The following MAGI1 variants were observed in gnomAD, a reference collection of about 807,000 sequenced individuals.
MAGI1 encodes membrane-associated guanylate kinase, WW and PDZ domain-containing protein 1.
A neutral mutation model predicts 139.9 loss-of-function variants in MAGI1; 58 were observed. That is an observed-to-expected ratio of 0.41 (90% CI 0.34 to 0.52). The LOEUF (loss-of-function observed/expected upper bound fraction) is 0.52, where lower values mean the gene tolerates loss of function less well. Among genes scored for constraint, MAGI1 ranks in the 20% least tolerant of loss-of-function variants. The pLI is 0.12. For missense variants in MAGI1, 1,874 were observed against 1,901.6 expected (o/e 0.99, Z 0.27); for synonymous variants, 812 against 737.9 (o/e 1.10, Z -1.63).
At chr3:65,904,658 C>A (rs995222107) in intron 1 of MAGI1, among the ~76,000 whole-genome samples, 4 of 152,186 alleles carry the variant, frequency 2.6e-5, no homozygotes, top group Non-Finnish European at 4.4e-5. Context: ...TTCTCCAGGT[C>A]TTAGACCACC....
intron 1 of MAGI1, among the ~76,000 whole-genome samples, chr3:65,905,805 C>T (rs2061412546): frequency 6.6e-6 from 1 of 152,168 alleles, no homozygotes; most frequent in Admixed American, 6.5e-5. Flanking sequence ...TTGAGGACTG[C>T]ACTCTACTCA....
chr3:65,981,051 C>T (rs566445074), intron 1 of MAGI1, among the ~76,000 whole-genome samples: 2 of 150,406 alleles, frequency 1.3e-5, no homozygotes, highest in East Asian at 4.0e-4. Flanking sequence ...ATCCCAGGTA[C>T]TTGGGAGGCA....
intron 1 of MAGI1, among the ~76,000 whole-genome samples, chr3:65,623,976 C>T (rs2083825819): frequency 1.3e-5 from 2 of 152,244 alleles, no homozygotes; most frequent in African/African-American, 4.8e-5. Context: ...AAGGTTTGAA[C>T]AGACAGTTCA....
chr3:65,864,176 C>T (rs550027533), intron 1 of MAGI1, among the ~76,000 whole-genome samples: 1 of 152,060 alleles, frequency 6.6e-6, no homozygotes, highest in Non-Finnish European at 1.5e-5. Flanking sequence ...AGGTTATACC[C>T]ATCTGTCAAC....
chr3:65,380,588 T>C (rs543672647), intron 16 of MAGI1, among the ~76,000 whole-genome samples: 1 of 152,340 alleles, frequency 6.6e-6, no homozygotes, highest in African/African-American at 2.4e-5. Context: ...GTATCTCATA[T>C]AAAGGGAATC....
In MAGI1 at chr3:65,959,733, G is replaced by C. The variant is rs528784421; in HGVS notation, c.313+78263C>G. On this transcript the variant is annotated intron_variant, in intron 1 of 22. Coordinates refer to ENST00000402939, the MANE Select transcript of MAGI1 (RefSeq NM_001033057.2). ...TCCCATCTCAGCCTCCCAAAGTGCT[G>C]GGATTACAGGTGTAAGGCACCACGC... 1.4e-4 allele frequency among the ~76,000 whole-genome samples: 21 copies of C among 147,396 alleles called. No individual in the cohort carries two copies. In the East Asian group the frequency reaches 3.4e-3, roughly 24 times the overall value.
At chr3:66,035,893 C>T (rs1300430530) in intron 1 of MAGI1, among the ~76,000 whole-genome samples, 2 of 152,122 alleles carry the variant, frequency 1.3e-5, no homozygotes, top group African/African-American at 4.8e-5. Flanking sequence ...CCTGGGACAT[C>T]GCCTCCCAGA....
rs564599504 is a variant in MAGI1 at position 65,734,758 on chromosome 3, A to C, written c.314-112670T>G. Among the ~76,000 whole-genome samples the C allele has an allele frequency of 2.9e-4, 44 of 152,068 alleles. No individual in the cohort carries two copies. In the South Asian group the frequency reaches 4.0e-3, roughly 14 times the overall value. ...ATCTAACAATAAGCGAGTCCTCTTG[A>C]ATGTGTGTATGGATTTATTATAAAT... On this transcript the variant is annotated intron_variant, in intron 1 of 22. Coordinates refer to ENST00000402939, the MANE Select transcript of MAGI1 (RefSeq NM_001033057.2).
chr3:65,843,020 C>T (rs916135584), intron 1 of MAGI1, among the ~76,000 whole-genome samples: 5 of 152,158 alleles, frequency 3.3e-5, no homozygotes, highest in African/African-American at 1.2e-4. Context: ...TATGTAGCTC[C>T]TACAATGGTC....
intron 1 of MAGI1, among the ~76,000 whole-genome samples, chr3:65,855,165 A>G (rs1190849034): frequency 2.0e-5 from 3 of 152,124 alleles, no homozygotes; most frequent in Non-Finnish European, 4.4e-5. Context: ...ACCAGCAGAC[A>G]GGATGTGCTC....
At chr3:65,449,055 C>T (rs986273303) in intron 6 of MAGI1, among the ~76,000 whole-genome samples, 32 of 140,004 alleles carry the variant, frequency 2.3e-4, no homozygotes, top group African/African-American at 8.3e-4. Context: ...AATGAATGAA[C>T]CAATCAATCA....
intron 1 of MAGI1, among the ~76,000 whole-genome samples, chr3:65,960,478 G>A (rs924476003): frequency 2.0e-5 from 3 of 152,114 alleles, no homozygotes; most frequent in Non-Finnish European, 4.4e-5. Context: ...ACTATAGGGC[G>A]GTTTCTAATA....
chr3:65,622,876 C>T (rs2083760309), intron 1 of MAGI1, among the ~76,000 whole-genome samples: 1 of 152,000 alleles, frequency 6.6e-6, no homozygotes, highest in African/African-American at 2.4e-5. Flanking sequence ...CCTACTATAG[C>T]TTTTTTTATG....
At chr3:65,624,239 T>C (rs1044577032) in intron 1 of MAGI1, among the ~76,000 whole-genome samples, 1 of 151,788 alleles carries the variant, frequency 6.6e-6, no homozygotes, top group African/African-American at 2.4e-5. Flanking sequence ...ATACCTTCAA[T>C]AGCCAAGTGA....
At chr3:65,480,681 G>C (rs563062249) in intron 3 of MAGI1, among the ~76,000 whole-genome samples, 15 of 149,562 alleles carry the variant, frequency 1.0e-4, no homozygotes, top group African/African-American at 3.4e-4. Context: ...CACCTCCCAG[G>C]TTCAAGCGAT....
At chr3:65,401,673 A>T in intron 12 of MAGI1, 1 of 1,544,832 alleles carries the variant, frequency 6.5e-7, no homozygotes, top group South Asian at 1.2e-5. Context: ...GAGGCAGGAG[A>T]TCTATCTGCA....
intron 2 of MAGI1, among the ~76,000 whole-genome samples, chr3:65,499,275 C>T (rs181129657): frequency 1.7e-4 from 26 of 151,996 alleles, no homozygotes; most frequent in African/African-American, 2.9e-4. Flanking sequence ...TGAGTGTCCA[C>T]GAATATGGAA....
At chr3:65,625,013 C>T (rs969758159) in intron 1 of MAGI1, among the ~76,000 whole-genome samples, 9 of 152,098 alleles carry the variant, frequency 5.9e-5, no homozygotes, top group African/African-American at 2.2e-4. Flanking sequence ...GCAGGGATTA[C>T]AGGCATCTTC....
intron 1 of MAGI1, among the ~76,000 whole-genome samples, chr3:66,018,415 C>T (rs1256112082): frequency 1.3e-5 from 2 of 152,122 alleles, no homozygotes; most frequent in African/African-American, 4.8e-5. Context: ...CCTGGGATTC[C>T]AAAATTCTAG....
Sources: gnomAD v4.1 joint callset for allele counts (sites outside exome capture counted in the v4.1 genomes callset) on GRCh38, gnomAD v4.1.1 for gene constraint, MANE v1.5 for transcripts, NCBI Gene and HGNC (gene_info 2026-07-23, HGNC 2026-07-21) for gene names.